Variants in RARB observed in about 807,000 individuals in gnomAD.
RARB encodes the protein HBV-activated protein.
In RARB, 17 loss-of-function variants were observed where a neutral mutation model predicts 51.9. That is an observed-to-expected ratio of 0.33 (90% CI 0.22 to 0.49). RARB has a LOEUF of 0.49. Among genes scored for constraint, RARB ranks in the 20% least tolerant of loss-of-function variants. RARB has a pLI of 0.99. For synonymous variants in RARB, 215 were observed against 195.4 expected (o/e 1.10, Z -0.84); for missense variants, 369 against 550.8 (o/e 0.67, Z 3.30).
intron 3 of RARB, among the ~76,000 whole-genome samples, chr3:25,131,976 T>A (rs1166294354): frequency 2.0e-5 from 3 of 151,848 alleles, no homozygotes; most frequent in Admixed American, 6.6e-5. Context: ...ACAGGGTGGG[T>A]TGAGGCCAAG....
intron 2 of RARB, among the ~76,000 whole-genome samples, chr3:25,023,542 T>C (rs1376017464): frequency 6.6e-6 from 1 of 152,160 alleles, no homozygotes; most frequent in Non-Finnish European, 1.5e-5. Context: ...GGGTTAGGAC[T>C]ACATCACAAA....
At chr3:24,967,718 T>A (rs1447543213) in intron 2 of RARB, among the ~76,000 whole-genome samples, 1 of 152,166 alleles carries the variant, frequency 6.6e-6, no homozygotes, top group African/African-American at 2.4e-5. Flanking sequence ...TCATCATTAA[T>A]AATTTGGATT....
chr3:25,173,079 G>T (rs1700673997), intron 4 of RARB, among the ~76,000 whole-genome samples: 1 of 152,170 alleles, frequency 6.6e-6, no homozygotes, highest in Non-Finnish European at 1.5e-5. Flanking sequence ...TTGCCATTCA[G>T]TGGGCAGAGT....
chr3:25,207,173 T>G (rs1701570040), intron 5 of RARB, among the ~76,000 whole-genome samples: 1 of 152,214 alleles, frequency 6.6e-6, no homozygotes. Flanking sequence ...TGCTCCTTAT[T>G]CAGGGCAGAA....
intron 3 of RARB, among the ~76,000 whole-genome samples, chr3:25,107,651 G>A (rs1417890625): frequency 6.6e-6 from 1 of 152,040 alleles, no homozygotes; most frequent in Non-Finnish European, 1.5e-5. Flanking sequence ...ACACATACAT[G>A]CCTATGATAA....
At chr3:25,358,078 AATCT>A (rs1209796282) in intron 5 of RARB, among the ~76,000 whole-genome samples, 5 of 150,816 alleles carry the variant, frequency 3.3e-5, no homozygotes. Flanking sequence ...AATAACATTG[AATCT>A]ATCACGATAT....
intron 1 of RARB, among the ~76,000 whole-genome samples, chr3:25,442,568 T>C (rs1488722184): frequency 6.6e-6 from 1 of 152,238 alleles, no homozygotes; most frequent in Non-Finnish European, 1.5e-5. Flanking sequence ...TTATTTCCTT[T>C]TTCCCTTCAG....
At position 25,170,806 on chromosome 3, in the gene RARB, A is replaced by G. The variant is rs182720307; in HGVS notation, c.-279-3313A>G. On this transcript the variant is annotated intron_variant, in intron 4 of 11. Transcript: ENST00000383772. Reference sequence around the variant, plus strand: ...TATATACATATGTGTGGAGAAAAATAGAAAAATAAATTATTTTGTTAATAA... The same window carrying G: ...TATATACATATGTGTGGAGAAAAATGGAAAAATAAATTATTTTGTTAATAA... 2.0e-5 allele frequency among the ~76,000 whole-genome samples: 3 copies of G among 152,294 alleles called. No homozygotes were observed. The East Asian group carries it at 5.8e-4, about 29-fold the overall frequency.
At chr3:25,506,071 A>T (rs993834484) in intron 3 of RARB, among the ~76,000 whole-genome samples, 1 of 152,106 alleles carries the variant, frequency 6.6e-6, no homozygotes, top group African/African-American at 2.4e-5. Flanking sequence ...TCTTTAAGCC[A>T]AAGGTCAGCA....
chr3:25,263,938 C>T (rs1414946286), intron 5 of RARB, among the ~76,000 whole-genome samples: 2 of 152,214 alleles, frequency 1.3e-5, no homozygotes, highest in Middle Eastern at 3.4e-3. Flanking sequence ...GCGTATTTCT[C>T]TTAGAGCTCT....
chr3:25,375,094 A>G (rs1055653709), intron 5 of RARB, among the ~76,000 whole-genome samples: 1 of 152,188 alleles, frequency 6.6e-6, no homozygotes, highest in Non-Finnish European at 1.5e-5. Context: ...TCATTACTCC[A>G]CGGTGCTAGC....
At chr3:25,250,688 A>C (rs1702695187) in intron 5 of RARB, among the ~76,000 whole-genome samples, 1 of 152,228 alleles carries the variant, frequency 6.6e-6, no homozygotes, top group South Asian at 2.1e-4. Context: ...CCAGGGTAGG[A>C]TGCAGTCTGG....
At chr3:25,210,244 C>A (rs183150500) in intron 5 of RARB, among the ~76,000 whole-genome samples, 4 of 152,152 alleles carry the variant, frequency 2.6e-5, no homozygotes, top group Non-Finnish European at 5.9e-5. Context: ...GGAGAAAATT[C>A]TCTTCATATC....
intron 5 of RARB, among the ~76,000 whole-genome samples, chr3:25,421,835 A>G (rs1307413524): frequency 6.6e-6 from 1 of 152,202 alleles, no homozygotes; most frequent in Admixed American, 6.5e-5. Context: ...GCCTAGCCAG[A>G]CAGCTAGTAA....
At chr3:25,092,484 T>C (rs1699216336) in intron 3 of RARB, among the ~76,000 whole-genome samples, 1 of 152,140 alleles carries the variant, frequency 6.6e-6, no homozygotes. Context: ...GTCTCTCTTA[T>C]TTTTACTATT....
In RARB at chr3:25,596,703, G is replaced by A. The variant is rs1701849933; in HGVS notation, c.*87G>A. The A allele has an allele frequency of 1.7e-6, 2 of 1,208,720 alleles. No homozygotes were observed. The highest frequency in any genetic ancestry group is 4.9e-5 in the East Asian group (2 of 40,562). The allele number at this position is 1,208,720 out of a possible 1,614,324, so 74.9% of individuals were successfully genotyped here. A position where few individuals can be genotyped will look rare whatever the true frequency, so the allele number is the denominator to read the frequency against. ...GAAAAAACATTTTTACTGCTGCTTAGTTTTTGGACTGAAAAGATATTAAAA... is the reference window on the plus strand; with the variant it reads ...GAAAAAACATTTTTACTGCTGCTTAATTTTTGGACTGAAAAGATATTAAAA... On this transcript the variant is annotated 3_prime_UTR_variant, in exon 8 of 8. Coordinates refer to ENST00000330688, the MANE Select transcript of RARB (RefSeq NM_000965.5).
intron 4 of RARB, among the ~76,000 whole-genome samples, chr3:25,168,857 G>T (rs185346527): frequency 8.6e-4 from 131 of 152,220 alleles, no homozygotes; most frequent in Admixed American, 1.8e-3. Flanking sequence ...TTCCTAACAG[G>T]ACTTGAGTTA....
chr3:24,913,147 ATTTT>A lies in RARB; in HGVS notation c.-380+54396_-380+54399del, dbSNP rs556058468. On this transcript the variant is annotated intron_variant, in intron 2 of 11. Transcript: ENST00000383772. ...AGGCACCCGCCACCACGCCCGGCTAATTTTGTTTTTGTATTTTTAGTAGAGACGG... is the reference window on the plus strand; with the variant it reads ...AGGCACCCGCCACCACGCCCGGCTAAGTTTTTGTATTTTTAGTAGAGACGG... Among the ~76,000 whole-genome samples, 6 of 151,176 alleles carry A rather than the reference ATTTT, an allele frequency of 4.0e-5. No homozygotes were observed. In the South Asian group the frequency reaches 1.3e-3, roughly 32 times the overall value.
chr3:25,530,366 A>G lies in RARB; in HGVS notation c.448+29043A>G, dbSNP rs1417553170. On this transcript the variant is annotated intron_variant, in intron 3 of 7. Transcript: ENST00000330688. ...TTACTGTGGTAACAAATTACCGCAC[A>G]TTTAGCGGCTTGAACTAACACAAGT... is the stretch of plus-strand genomic sequence containing the variant. Among the ~76,000 whole-genome samples the G allele has an allele frequency of 5.3e-5, 8 of 152,330 alleles. No homozygotes were observed. In the East Asian group the frequency reaches 5.8e-4, roughly 11 times the overall value.
Sources: allele counts gnomAD v4.1 joint callset (sites outside exome capture counted in the v4.1 genomes callset), GRCh38; gene constraint gnomAD v4.1.1; transcripts MANE v1.5; gene names NCBI Gene and HGNC (gene_info 2026-07-23, HGNC 2026-07-21).